BMPR1B: variants seen among roughly 807,000 people sequenced by gnomAD.
BMPR1B encodes the protein bone morphogenetic protein receptor type 1B.
In BMPR1B, 12 loss-of-function variants were observed where a neutral mutation model predicts 59.1. The ratio of observed to expected loss-of-function variants is 0.20; its 90% CI spans 0.13 to 0.33. The LOEUF (loss-of-function observed/expected upper bound fraction) is 0.33. Among genes scored for constraint, BMPR1B ranks in the 10% least tolerant of loss-of-function variants. The pLI is 1.00. For synonymous variants in BMPR1B, 237 were observed against 207.3 expected, an observed-to-expected ratio of 1.14 and a Z score of -1.23; for missense variants, 550 against 610.9, an observed-to-expected ratio of 0.90 and a Z score of 1.05.
intron 2 of BMPR1B, among the ~76,000 whole-genome samples, chr4:94,987,215 CATATT>C (rs1481430295): frequency 2.1e-5 from 3 of 140,374 alleles, no homozygotes; most frequent in Non-Finnish European, 1.5e-5. Flanking sequence ...TAATATATAT[CATATT>C]ATATATAATA....
intron 2 of BMPR1B, among the ~76,000 whole-genome samples, chr4:94,923,404 A>T (rs1044594785): frequency 2.0e-5 from 3 of 152,114 alleles, no homozygotes; most frequent in African/African-American, 7.2e-5. Context: ...GAAATAAAGG[A>T]AATATTGAAA....
intron 2 of BMPR1B, among the ~76,000 whole-genome samples, chr4:94,956,107 T>C (rs1306104687): frequency 1.3e-5 from 2 of 152,238 alleles, no homozygotes; most frequent in Non-Finnish European, 2.9e-5. Flanking sequence ...CTTGGTATCT[T>C]ACGTTTTGAA....
intron 1 of BMPR1B, among the ~76,000 whole-genome samples, chr4:94,820,133 A>C (rs1724151184): frequency 6.6e-6 from 1 of 152,174 alleles, no homozygotes; most frequent in Admixed American, 6.5e-5. Context: ...CCTGTACCTC[A>C]CACAGTGAGG....
At chr4:95,105,892 C>T (rs377455636) in intron 4 of BMPR1B, among the ~76,000 whole-genome samples, 44 of 151,992 alleles carry the variant, frequency 2.9e-4, no homozygotes, top group East Asian at 2.3e-3. Context: ...AACAAAGTAG[C>T]GTGGGGTATT....
intron 10 of BMPR1B, among the ~76,000 whole-genome samples, chr4:95,133,311 C>T (rs1733519527): frequency 6.6e-6 from 1 of 152,172 alleles, no homozygotes; most frequent in African/African-American, 2.4e-5. Context: ...AAAATAATTT[C>T]ATAGTTTCCT....
chr4:95,138,076 TC>T (rs1733941582), intron 10 of BMPR1B, among the ~76,000 whole-genome samples: 1 of 152,236 alleles, frequency 6.6e-6, no homozygotes, highest in Non-Finnish European at 1.5e-5. Flanking sequence ...AGTGCTTCCT[TC>T]AGGAGCTCTT....
At chr4:94,972,207 A>G (rs1730821003) in intron 2 of BMPR1B, among the ~76,000 whole-genome samples, 1 of 151,782 alleles carries the variant, frequency 6.6e-6, no homozygotes, top group Non-Finnish European at 1.5e-5. Context: ...TTTACAGAGT[A>G]TTTTGGGGAG....
intron 2 of BMPR1B, among the ~76,000 whole-genome samples, chr4:94,887,393 C>T (rs1292337097): frequency 1.5e-5 from 2 of 135,378 alleles, no homozygotes; most frequent in African/African-American, 5.4e-5. Context: ...CCTTCACCCC[C>T]ACCCCCCACC....
intron 10 of BMPR1B, among the ~76,000 whole-genome samples, chr4:95,144,494 A>G (rs1579158187): frequency 6.6e-6 from 1 of 151,940 alleles, no homozygotes; most frequent in Middle Eastern, 3.4e-3. Context: ...TTTTTTTAAA[A>G]AAAATACTCA....
chr4:94,939,484 G>T (rs973808749), intron 2 of BMPR1B, among the ~76,000 whole-genome samples: 1 of 152,132 alleles, frequency 6.6e-6, no homozygotes, highest in African/African-American at 2.4e-5. Flanking sequence ...CATTGTATTT[G>T]CATATTTGGA....
chr4:95,022,594 T>G (rs1026009473), intron 3 of BMPR1B, among the ~76,000 whole-genome samples: 2 of 152,128 alleles, frequency 1.3e-5, no homozygotes, highest in African/African-American at 4.8e-5. Flanking sequence ...CTTTTAAAAT[T>G]TCATGTGCTG....
intron 3 of BMPR1B, among the ~76,000 whole-genome samples, chr4:95,096,805 TATATAA>T (rs1232716477): frequency 1.4e-5 from 2 of 140,366 alleles, no homozygotes; most frequent in African/African-American, 2.6e-5. Flanking sequence ...ATATATAGAA[TATATAA>T]ATATAAATAT....
At chr4:94,851,188 C>G (rs2148947041) in intron 1 of BMPR1B, among the ~76,000 whole-genome samples, 1 of 152,142 alleles carries the variant, frequency 6.6e-6, no homozygotes, top group South Asian at 2.1e-4. Flanking sequence ...TCAGTCAGAC[C>G]AAGATAGTTA....
At chr4:94,871,339 G>T (rs1446258680) in intron 1 of BMPR1B, among the ~76,000 whole-genome samples, 1 of 152,118 alleles carries the variant, frequency 6.6e-6, no homozygotes, top group Non-Finnish European at 1.5e-5. Flanking sequence ...GACATGTTTG[G>T]AACATGGAAC....
intron 2 of BMPR1B, among the ~76,000 whole-genome samples, chr4:94,883,421 C>T (rs77526871): frequency 0.013 from 2,036 of 152,236 alleles, 36 homozygotes; most frequent in African/African-American, 0.042. Flanking sequence ...TCAGATACTA[C>T]TGTGATAGCT....
chr4:95,133,203 G>A (rs973987750), intron 10 of BMPR1B, among the ~76,000 whole-genome samples: 1 of 152,152 alleles, frequency 6.6e-6, no homozygotes, highest in Non-Finnish European at 1.5e-5. Context: ...ATTCTGGGGT[G>A]AAGCATTTTG....
intron 2 of BMPR1B, among the ~76,000 whole-genome samples, chr4:94,876,461 C>G (rs1726735766): frequency 6.6e-6 from 1 of 152,124 alleles, no homozygotes; most frequent in East Asian, 1.9e-4. Context: ...CCTATTATAG[C>G]TATTTTTATA....
At chr4:95,075,650 G>A (rs747970852) in intron 3 of BMPR1B, among the ~76,000 whole-genome samples, 16 of 151,988 alleles carry the variant, frequency 1.1e-4, no homozygotes, top group African/African-American at 3.6e-4. Flanking sequence ...AGATACAGTG[G>A]TACTAGTTGG....
intron 3 of BMPR1B, among the ~76,000 whole-genome samples, chr4:95,028,160 AT>A (rs1724557006): frequency 6.6e-6 from 1 of 152,152 alleles, no homozygotes; most frequent in South Asian, 2.1e-4. Context: ...GGTTTTGCTA[AT>A]TGGCATCTCC....
Sources: gnomAD v4.1 joint callset for allele counts (sites outside exome capture counted in the v4.1 genomes callset) on GRCh38, gnomAD v4.1.1 for gene constraint, MANE v1.5 for transcripts, NCBI Gene and HGNC (gene_info 2026-07-23, HGNC 2026-07-21) for gene names.